The following CACNG2 variants were observed in gnomAD, a reference collection of about 807,000 sequenced individuals.
CACNG2 encodes voltage-dependent calcium channel gamma-2 subunit.
In CACNG2, 3 loss-of-function variants were observed where a neutral mutation model predicts 25.9. That is an observed-to-expected ratio of 0.12 (90% CI 0.05 to 0.30). CACNG2 has a LOEUF of 0.30. CACNG2 is among the 10% of genes least tolerant of loss of function. The pLI is 1.00. For missense variants in CACNG2, 341 were observed against 432.5 expected (o/e 0.79, Z 1.88); for synonymous variants, 167 against 173.3 (o/e 0.96, Z 0.29).
Position 36,564,095 on chromosome 22 carries a change from T to G in CACNG2, c.*256A>C. ...TTTAAAGTTTGTTTTCTTCCCTCGTTTATATTTTCCCACATTTCCTGTTGT... is the reference window on the plus strand; with the variant it reads ...TTTAAAGTTTGTTTTCTTCCCTCGTGTATATTTTCCCACATTTCCTGTTGT... On this transcript the variant is annotated 3_prime_UTR_variant, in exon 4 of 4. Transcript: ENST00000300105. This position sits in a 1 kb window ranked among gnomAD's most constrained non-coding sequence, Gnocchi z 6.7. 1 of 359,106 alleles carries G rather than the reference T, an allele frequency of 2.8e-6. No individual in the cohort carries two copies. 22.2% of individuals were successfully genotyped at this position (359,106 alleles called of 1,614,324 possible).
At chr22:36,568,457 T>C (rs1316091928) in intron 2 of CACNG2, among the ~76,000 whole-genome samples, 1 of 152,024 alleles carries the variant, frequency 6.6e-6, no homozygotes, top group Non-Finnish European at 1.5e-5. Context: ...CAGGCTGGAG[T>C]GTAGTGGTGT....
chr22:36,613,904 C>T (rs1261011168), intron 1 of CACNG2, among the ~76,000 whole-genome samples: 1 of 152,142 alleles, frequency 6.6e-6, no homozygotes, highest in African/African-American at 2.4e-5. Flanking sequence ...ACCTCTTCAT[C>T]TCCACTCCCA....
At chr22:36,574,442 CA>C (rs1216564856) in intron 2 of CACNG2, among the ~76,000 whole-genome samples, 1 of 152,088 alleles carries the variant, frequency 6.6e-6, no homozygotes, top group Non-Finnish European at 1.5e-5. Context: ...TGGAAAAAAC[CA>C]CTTAGGGGGA....
intron 1 of CACNG2, among the ~76,000 whole-genome samples, chr22:36,688,557 A>T (rs1937230532): frequency 6.6e-6 from 1 of 151,816 alleles, no homozygotes; most frequent in South Asian, 2.1e-4. Flanking sequence ...AAAAAAAAAA[A>T]AAAGTAGCTG....
chr22:36,624,792 G>A (rs926634757), intron 1 of CACNG2, among the ~76,000 whole-genome samples: 1 of 152,072 alleles, frequency 6.6e-6, no homozygotes, highest in Non-Finnish European at 1.5e-5. Context: ...GACTTTGGGA[G>A]GCTGAGGCAG....
intron 1 of CACNG2, among the ~76,000 whole-genome samples, chr22:36,698,945 G>T (rs79011543): frequency 6.6e-6 from 1 of 152,126 alleles, no homozygotes; most frequent in Non-Finnish European, 1.5e-5. Context: ...CCCTGGAGAC[G>T]ATGTTTCCTT....
At chr22:36,686,845 C>T (rs1049911741) in intron 1 of CACNG2, among the ~76,000 whole-genome samples, 6 of 152,170 alleles carry the variant, frequency 3.9e-5, no homozygotes, top group Admixed American at 2.6e-4. Flanking sequence ...GTGGAGTCGC[C>T]GCTAGTCAAC....
intron 1 of CACNG2, among the ~76,000 whole-genome samples, chr22:36,676,932 T>TTG (rs138729815): frequency 0.12 from 16,881 of 141,534 alleles, 1,142 homozygotes; most frequent in Admixed American, 0.21. Flanking sequence ...TCTTCTAATA[T>TTG]TGTGTGTGTG....
At chr22:36,613,229 A>C (rs553611454) in intron 1 of CACNG2, among the ~76,000 whole-genome samples, 93 of 150,878 alleles carry the variant, frequency 6.2e-4, no homozygotes, top group African/African-American at 2.2e-3. Context: ...CAATCTTTGG[A>C]TCACTCTTTG....
At chr22:36,627,279 C>CAT (rs3220939) in intron 1 of CACNG2, among the ~76,000 whole-genome samples, 1 of 131,148 alleles carries the variant, frequency 7.6e-6, no homozygotes, top group Non-Finnish European at 1.6e-5. Flanking sequence ...AGAGTGGGGA[C>CAT]GTGTGTGTGT....
chr22:36,583,023 G>A (rs182609452), intron 2 of CACNG2, among the ~76,000 whole-genome samples: 5 of 152,136 alleles, frequency 3.3e-5, no homozygotes, highest in South Asian at 2.1e-4. Flanking sequence ...AGCGTTGTGC[G>A]TTCCTGGTGG....
At chr22:36,640,558 T>C (rs780483306) in intron 1 of CACNG2, among the ~76,000 whole-genome samples, 1 of 152,196 alleles carries the variant, frequency 6.6e-6, no homozygotes. Context: ...GCTGACTGCC[T>C]ACCCTTTCTG....
intron 1 of CACNG2, among the ~76,000 whole-genome samples, chr22:36,676,752 G>A (rs948354291): frequency 6.6e-6 from 1 of 152,224 alleles, no homozygotes; most frequent in Non-Finnish European, 1.5e-5. Flanking sequence ...CTCAGAAGCA[G>A]AAGAGGCAGA....
chr22:36,649,492 C>T (rs1936576031), intron 1 of CACNG2, among the ~76,000 whole-genome samples: 2 of 152,282 alleles, frequency 1.3e-5, no homozygotes, highest in South Asian at 4.1e-4. Flanking sequence ...TAGGGTTTCA[C>T]CATGTTAGCC....
At chr22:36,577,702 G>T (rs1051766137) in intron 2 of CACNG2, among the ~76,000 whole-genome samples, 28 of 151,798 alleles carry the variant, frequency 1.8e-4, no homozygotes, top group South Asian at 6.2e-4. Flanking sequence ...GAAACTGCCG[G>T]CCAGTGTGCG....
rs1295779700 is a variant in CACNG2, at chr22:36,562,731, C to G, written c.*1620G>C. On this transcript the variant is annotated 3_prime_UTR_variant, in exon 4 of 4. Coordinates refer to ENST00000300105, the MANE Select transcript of CACNG2 (RefSeq NM_006078.5). ...GACTGTGTATGTGTGTGTGAACGTG[C>G]CTGTGTGCGTGTGGGGTGTGTGGTC... 8.6e-5 allele frequency: 13 copies of G among 151,728 alleles called. 1 individual carries two copies. The highest frequency in any genetic ancestry group is 8.6e-4 in the Admixed American group (13 of 15,194). 9.4% of individuals were successfully genotyped at this position (151,728 alleles called of 1,614,324 possible).
rs186344304 is a variant in CACNG2, at chr22:36,563,169, G to T, written c.*1182C>A. ...GTTTTTCCTTTTTCTTTTGTAAAAA[G>T]AAGCCTTTTTGCAGTGTCATTGTTG... is the stretch of plus-strand genomic sequence containing the variant. On this transcript the variant is annotated 3_prime_UTR_variant, in exon 4 of 4. Transcript: ENST00000300105. 1.3e-5 allele frequency among the ~76,000 whole-genome samples: 2 copies of T among 151,946 alleles called. No homozygotes were observed. Among genetic ancestry groups the T allele is most frequent in the African/African-American group, 4.8e-5 (2 of 41,360 alleles).
intron 2 of CACNG2, among the ~76,000 whole-genome samples, chr22:36,575,916 C>A (rs1935304853): frequency 6.6e-6 from 1 of 152,224 alleles, no homozygotes; most frequent in Non-Finnish European, 1.5e-5. Flanking sequence ...GATCAATCCG[C>A]ATTAGGGGAT....
chr22:36,612,144 A>C (rs1445119942), intron 1 of CACNG2, among the ~76,000 whole-genome samples: 1 of 152,188 alleles, frequency 6.6e-6, no homozygotes, highest in Non-Finnish European at 1.5e-5. Flanking sequence ...ATCTGGAAGA[A>C]CCAGCCTGTG....
Sources: gnomAD v4.1 joint callset for allele counts (sites outside exome capture counted in the v4.1 genomes callset) on GRCh38, gnomAD v4.1.1 for gene constraint, Gnocchi (gnomAD v3.1) non-coding constraint, MANE v1.5 for transcripts, NCBI Gene and HGNC (gene_info 2026-07-23, HGNC 2026-07-21) for gene names.